ST6GAL2: variants seen among roughly 807,000 people sequenced by gnomAD.
ST6GAL2 encodes the protein beta-galactoside alpha-2,6-sialyltransferase 2.
ST6GAL2 carries 24 observed loss-of-function variants against 37.5 expected under a neutral mutation model. That is an observed-to-expected ratio of 0.64 (90% confidence interval 0.46 to 0.90). The LOEUF (loss-of-function observed/expected upper bound fraction) is 0.90. Ranked by LOEUF, ST6GAL2 falls within the 40% of genes least tolerant of loss-of-function variation. The pLI is 0.00. For synonymous variants in ST6GAL2, 306 were observed against 295.1 expected (o/e 1.04, Z -0.38); for missense variants, 715 against 712.7 (o/e 1.00, Z -0.04).
chr2:106,868,463 T>C (rs768084351), intron 1 of ST6GAL2, among the ~76,000 whole-genome samples: 1 of 152,224 alleles, frequency 6.6e-6, no homozygotes, highest in Non-Finnish European at 1.5e-5. Context: ...TGTCCAATGC[T>C]GACCTCAGTT....
At chr2:106,884,906 CATATAT>C (rs772381082) in intron 1 of ST6GAL2, among the ~76,000 whole-genome samples, 41 of 76,490 alleles carry the variant, frequency 5.4e-4, no homozygotes, top group South Asian at 3.8e-3. Flanking sequence ...ATTTGCAGCG[CATATAT>C]ATATATATAT....
chr2:106,878,216 C>A (rs780921106), intron 1 of ST6GAL2, among the ~76,000 whole-genome samples: 9 of 152,210 alleles, frequency 5.9e-5, no homozygotes, highest in Non-Finnish European at 2.9e-5. Context: ...GTAGTCCCAG[C>A]ACTTTGGGGG....
rs763969751 is a variant in ST6GAL2, at chr2:106,832,677, A to C, written c.1042-11T>G. 7.1e-6 allele frequency: 11 copies of C among 1,545,304 alleles called. No homozygotes were observed. Among genetic ancestry groups the C allele is most frequent in the Non-Finnish European group, 8.9e-6 (10 of 1,117,412 alleles). Reference sequence around the variant, plus strand: ...GGGGTTGGTCAGAATCTGCAAACACACAGAAAAACCATTTCAAAGCCAGGG... The same window carrying C: ...GGGGTTGGTCAGAATCTGCAAACACCCAGAAAAACCATTTCAAAGCCAGGG... On this transcript the variant is annotated splice_polypyrimidine_tract_variant and intron_variant, in intron 3 of 5. Transcript: ENST00000409382.
chr2:106,845,557 G>T (rs1246716833), intron 1 of ST6GAL2, among the ~76,000 whole-genome samples: 2 of 152,256 alleles, frequency 1.3e-5, no homozygotes, highest in East Asian at 3.8e-4. Flanking sequence ...ACAAAGGCAT[G>T]TAGGGCATGG....
intron 2 of ST6GAL2, among the ~76,000 whole-genome samples, chr2:106,841,373 C>T (rs1333365461): frequency 6.6e-6 from 1 of 152,194 alleles, no homozygotes; most frequent in East Asian, 1.9e-4. Flanking sequence ...CACTTCCAGA[C>T]CAGTTATGCC....
intron 1 of ST6GAL2, among the ~76,000 whole-genome samples, chr2:106,856,685 T>C (rs1677588865): frequency 6.6e-6 from 1 of 152,190 alleles, no homozygotes; most frequent in African/African-American, 2.4e-5. Flanking sequence ...ATTAATTACT[T>C]AAAAGCACTG....
At chr2:106,861,042 A>G (rs529864761) in intron 1 of ST6GAL2, among the ~76,000 whole-genome samples, 5 of 152,320 alleles carry the variant, frequency 3.3e-5, no homozygotes, top group Admixed American at 1.3e-4. Flanking sequence ...TGCTCTTGAA[A>G]TGTCAGTGAT....
intron 1 of ST6GAL2, among the ~76,000 whole-genome samples, chr2:106,854,929 CA>C (rs34470697): frequency 0.12 from 15,107 of 130,864 alleles, 889 homozygotes; most frequent in Admixed American, 0.14. Context: ...TTATTTTTTC[CA>C]AAAAAAAAAA....
At chr2:106,809,709 G>A (rs10204993) in intron 5 of ST6GAL2, among the ~76,000 whole-genome samples, 89 of 152,278 alleles carry the variant, frequency 5.8e-4, no homozygotes, top group African/African-American at 1.8e-3. Context: ...TTTAACAAGC[G>A]TTCCCTTTAG....
intron 1 of ST6GAL2, among the ~76,000 whole-genome samples, chr2:106,869,087 T>A (rs548079464): frequency 3.2e-4 from 48 of 152,224 alleles, no homozygotes; most frequent in African/African-American, 1.1e-3. Flanking sequence ...CTCCCATATC[T>A]TAAGAACTGG....
intron 1 of ST6GAL2, among the ~76,000 whole-genome samples, chr2:106,883,694 CTTAAT>C (rs1203578724): frequency 6.6e-6 from 1 of 152,042 alleles, no homozygotes; most frequent in Non-Finnish European, 1.5e-5. Flanking sequence ...GAATTAAGTA[CTTAAT>C]TTAATTTAAG....
chr2:106,856,144 A>G (rs928320278), intron 1 of ST6GAL2, among the ~76,000 whole-genome samples: 1 of 152,218 alleles, frequency 6.6e-6, no homozygotes, highest in Admixed American at 6.5e-5. Flanking sequence ...GAAAATGCAA[A>G]TAAACTATAA....
intron 1 of ST6GAL2, among the ~76,000 whole-genome samples, chr2:106,867,942 A>G (rs1375560428): frequency 6.6e-6 from 1 of 152,190 alleles, no homozygotes; most frequent in East Asian, 1.9e-4. Context: ...TAAATCAATC[A>G]TAAGTCATCT....
chr2:106,866,176 A>G (rs1678018186), intron 1 of ST6GAL2, among the ~76,000 whole-genome samples: 1 of 152,018 alleles, frequency 6.6e-6, no homozygotes, highest in African/African-American at 2.4e-5. Flanking sequence ...AGAAATGAAG[A>G]CTCCTTGAGG....
At chr2:106,811,367 G>A (rs1191585732) in intron 5 of ST6GAL2, among the ~76,000 whole-genome samples, 2 of 152,084 alleles carry the variant, frequency 1.3e-5, no homozygotes, top group Non-Finnish European at 2.9e-5. Flanking sequence ...GGTTCAGAAT[G>A]GGGTAGGTGG....
chr2:106,848,181 A>G (rs1037727562), intron 1 of ST6GAL2, among the ~76,000 whole-genome samples: 3 of 151,842 alleles, frequency 2.0e-5, no homozygotes, highest in African/African-American at 7.3e-5. Flanking sequence ...AAACCCTGCA[A>G]TTTCATCTGA....
chr2:106,842,116 A>T (rs184311674), intron 2 of ST6GAL2, among the ~76,000 whole-genome samples: 5 of 152,364 alleles, frequency 3.3e-5, no homozygotes, highest in Admixed American at 3.3e-4. Flanking sequence ...TCAAGACAGC[A>T]ACACAGAAAC....
At chr2:106,864,171 T>A (rs1034496109) in intron 1 of ST6GAL2, among the ~76,000 whole-genome samples, 2 of 152,246 alleles carry the variant, frequency 1.3e-5, no homozygotes, top group Admixed American at 1.3e-4. Flanking sequence ...GATGTCTGCC[T>A]GATCACAATC....
chr2:106,857,321 G>A (rs1255134349), intron 1 of ST6GAL2, among the ~76,000 whole-genome samples: 2 of 151,972 alleles, frequency 1.3e-5, no homozygotes, highest in African/African-American at 4.8e-5. Flanking sequence ...CACATAATAC[G>A]GCCAGGCACC....
Sources: gnomAD v4.1 joint callset for allele counts (sites outside exome capture counted in the v4.1 genomes callset) on GRCh38, gnomAD v4.1.1 for gene constraint, MANE v1.5 for transcripts, NCBI Gene and HGNC (gene_info 2026-07-23, HGNC 2026-07-21) for gene names.